The following TMEM11 variants were observed in gnomAD, a reference collection of about 807,000 sequenced individuals.
TMEM11 encodes transmembrane protein 11.
Under a neutral mutation model 17.0 loss-of-function variants are expected in TMEM11, and 1 was observed. That is an observed-to-expected ratio of 0.06 (90% CI 0.02 to 0.28). The LOEUF is 0.28. Ranked by LOEUF, TMEM11 falls within the 10% of genes least tolerant of loss-of-function variation. The probability of loss-of-function intolerance (pLI) is 1.00; values close to 1 mark genes in which losing one functional copy is unlikely to be tolerated. For missense variants in TMEM11, 172 were observed against 252.9 expected (o/e 0.68, Z 2.17); for synonymous variants, 122 against 118.1 (o/e 1.03, Z -0.21).
At position 21,212,679 on chromosome 17, in the gene TMEM11, TTCCCTGCCTGAGGCA is replaced by T. The variant is rs139072562; in HGVS notation, c.62+1397_62+1411del. On this transcript the variant is annotated intron_variant, in intron 1 of 1. Coordinates refer to ENST00000317635, the MANE Select transcript of TMEM11 (RefSeq NM_003876.3). Reference sequence around the variant, plus strand: ...TTAACCTGTGCTGGCAAGGCTCCTGTTCCCTGCCTGAGGCATCCCTATTCGGCTCTTTTCAGATGC... The same window carrying T: ...TTAACCTGTGCTGGCAAGGCTCCTGTTCCCTATTCGGCTCTTTTCAGATGC... Among the ~76,000 whole-genome samples, 71 of 152,368 alleles carry T rather than the reference TTCCCTGCCTGAGGCA, an allele frequency of 4.7e-4. 2 individuals are homozygous for T. The East Asian group carries it at 0.012, about 26-fold the overall frequency.
chr17:21,210,112 G>A (rs1271824848), intron 1 of TMEM11, among the ~76,000 whole-genome samples: 2 of 152,188 alleles, frequency 1.3e-5, no homozygotes, highest in African/African-American at 2.4e-5. Flanking sequence ...CCCCACCTCC[G>A]TGGACCCAGG....
chr17:21,205,468 G>C (rs993960861), intron 1 of TMEM11, among the ~76,000 whole-genome samples: 1 of 152,164 alleles, frequency 6.6e-6, no homozygotes, highest in South Asian at 2.1e-4. Context: ...GGAGGAGGCA[G>C]GCCAGGGTAA....
Position 21,198,621 on chromosome 17 carries a change from G to T in TMEM11, c.282C>A (p.Phe94Leu), listed in dbSNP as rs895841183. The change falls in exon 2 of 2, where the codon TTC becomes TTA. Residue 94 changes from phenylalanine to leucine, a missense_variant. Phe to Leu is a conservative substitution (Grantham distance 22). This residue lies in a region of TMEM11 where 123 missense variants were observed against 213.6 expected (regional missense o/e 0.58). Coordinates refer to ENST00000317635, the MANE Select transcript of TMEM11 (RefSeq NM_003876.3). The surrounding 1 kb of genome is among the most constrained non-coding windows in gnomAD (Gnocchi z 6.5). ...AATCTAAGGGCAGCGCCAACGGGGT[G>T]AAGAGGCAGGCGGTGCCCGCCAGCA... is the stretch of plus-strand genomic sequence containing the variant. ...TAVLAGTACL[F>L]TPLALPLDYS... The T allele has an allele frequency of 3.1e-6, 5 of 1,613,674 alleles. No individual in the cohort carries two copies. The highest frequency in any genetic ancestry group is 4.2e-6 in the Non-Finnish European group (5 of 1,180,002).
chr17:21,205,719 A>G (rs1310977411), intron 1 of TMEM11, among the ~76,000 whole-genome samples: 3 of 148,614 alleles, frequency 2.0e-5, no homozygotes, highest in Admixed American at 1.4e-4. Flanking sequence ...CACCAACCCC[A>G]AGCCCCTGCA....
At chr17:21,211,291 C>A in intron 1 of TMEM11, 1 of 1,204,516 alleles carries the variant, frequency 8.3e-7, no homozygotes, top group Non-Finnish European at 1.1e-6. Flanking sequence ...TATTTCCACC[C>A]CTCCTATCTT....
chr17:21,211,445 T>C (rs753973999), intron 1 of TMEM11, among the ~76,000 whole-genome samples: 1 of 152,240 alleles, frequency 6.6e-6, no homozygotes, highest in Non-Finnish European at 1.5e-5. Flanking sequence ...AGCTGAATTC[T>C]TCATTTTACT....
chr17:21,213,987 C>A (rs946972845), intron 1 of TMEM11, 104 bp downstream of exon 1: 4 of 1,131,314 alleles, frequency 3.5e-6, no homozygotes, highest in Non-Finnish European at 5.0e-6. Flanking sequence ...AGGGGGAGCG[C>A]GGGGAAACCA....
At chr17:21,202,708 A>C (rs948440343) in intron 1 of TMEM11, among the ~76,000 whole-genome samples, 1 of 152,182 alleles carries the variant, frequency 6.6e-6, no homozygotes, top group Non-Finnish European at 1.5e-5. Flanking sequence ...AAGGCCCTCC[A>C]GGCTCCCTCC....
At chr17:21,203,690 G>GAAAGAAAAA (rs1974908235) in intron 1 of TMEM11, among the ~76,000 whole-genome samples, 1 of 71,680 alleles carries the variant, frequency 1.4e-5, no homozygotes, top group Non-Finnish European at 3.6e-5. Flanking sequence ...CTGAATGACA[G>GAAAGAAAAA]AAAGAAAAAA....
At chr17:21,212,212 T>C (rs1975010004) in intron 1 of TMEM11, among the ~76,000 whole-genome samples, 1 of 152,092 alleles carries the variant, frequency 6.6e-6, no homozygotes, top group South Asian at 2.1e-4. Flanking sequence ...GATGGTGACA[T>C]CCAAACTACA....
chr17:21,198,471 C>A lies in TMEM11; in HGVS notation c.432G>T (p.Ser144=), dbSNP rs749474774. ...YQVEYDAYKL[S]RLPLHTLTSS... is the part of the protein sequence containing the mutation. ...AGGTGAGTGTGTGCAGAGGCAGGCG[C>A]GACAGTTTATAGGCGTCGTACTCCA... The change falls in exon 2 of 2, where the codon TCG becomes TCT. Residue 144 remains serine, a synonymous_variant. Transcript: ENST00000317635. This position sits in a 1 kb window ranked among gnomAD's most constrained non-coding sequence, Gnocchi z 6.5. 1 of 1,614,168 alleles carries A rather than the reference C, an allele frequency of 6.2e-7. No homozygotes were observed. The highest frequency in any genetic ancestry group is 1.7e-5 in the Admixed American group (1 of 60,014).
rs577851489 is a variant in TMEM11 at position 21,209,658 on chromosome 17, A to G, written c.62+4433T>C. 2.8e-4 allele frequency among the ~76,000 whole-genome samples: 42 copies of G among 152,198 alleles called. No homozygotes were observed. The East Asian group carries it at 7.5e-3, about 27-fold the overall frequency. On this transcript the variant is annotated intron_variant, in intron 1 of 1. Transcript: ENST00000317635. ...GTGGTACATGCCTGTGGTCCCAGCT[A>G]CTCGGGAGGCTGGGGTGGGAGAATG...
At chr17:21,206,339 A>G (rs1037027701) in intron 1 of TMEM11, among the ~76,000 whole-genome samples, 4 of 152,118 alleles carry the variant, frequency 2.6e-5, no homozygotes, top group African/African-American at 9.7e-5. Context: ...CTCCTGCCTC[A>G]GCCTCCCAAA....
chr17:21,212,429 G>A (rs893086039), intron 1 of TMEM11, among the ~76,000 whole-genome samples: 1 of 152,168 alleles, frequency 6.6e-6, no homozygotes, highest in African/African-American at 2.4e-5. Context: ...CCAAGCACTT[G>A]TCCCGACCAA....
At chr17:21,200,046 C>T (rs1974866112) in intron 1 of TMEM11, among the ~76,000 whole-genome samples, 1 of 152,214 alleles carries the variant, frequency 6.6e-6, no homozygotes, top group African/African-American at 2.4e-5. Context: ...GGGGCTTTCC[C>T]CCCCGGGACT....
chr17:21,203,225 G>C (rs1974901759), intron 1 of TMEM11, among the ~76,000 whole-genome samples: 1 of 152,194 alleles, frequency 6.6e-6, no homozygotes, highest in African/African-American at 2.4e-5. Flanking sequence ...AACACACACA[G>C]ACGCACCCAA....
At chr17:21,206,275 G>A (rs770585004) in intron 1 of TMEM11, among the ~76,000 whole-genome samples, 1 of 152,094 alleles carries the variant, frequency 6.6e-6, no homozygotes, top group Non-Finnish European at 1.5e-5. Context: ...AGGCTGGAGC[G>A]CAATGGCGCT....
chr17:21,208,834 A>G (rs1188845618), intron 1 of TMEM11, among the ~76,000 whole-genome samples: 1 of 152,222 alleles, frequency 6.6e-6, no homozygotes, highest in African/African-American at 2.4e-5. Flanking sequence ...GATTACAGAC[A>G]TGAGCCACAG....
intron 1 of TMEM11, among the ~76,000 whole-genome samples, chr17:21,212,805 G>C (rs1279183386): frequency 6.6e-6 from 1 of 152,176 alleles, no homozygotes; most frequent in Non-Finnish European, 1.5e-5. Context: ...TGAATATCTT[G>C]AAAATGTTTG....
Sources: gnomAD v4.1 joint callset for allele counts (sites outside exome capture counted in the v4.1 genomes callset) on GRCh38, gnomAD v4.1.1 for gene constraint, gnomAD v4.1.1 regional missense constraint, Gnocchi (gnomAD v3.1) non-coding constraint, MANE v1.5 for transcripts, NCBI Gene and HGNC (gene_info 2026-07-23, HGNC 2026-07-21) for gene names.